Variants in RAP1B observed in about 807,000 individuals in gnomAD.
The protein encoded by RAP1B is ras-related protein Rap-1b.
RAP1B carries 1 observed loss-of-function variant against 27.5 expected under a neutral mutation model. That is an observed-to-expected ratio of 0.04 (90% confidence interval 0.01 to 0.17). The LOEUF (loss-of-function observed/expected upper bound fraction) is 0.17. RAP1B is among the 10% of genes least tolerant of loss of function. The probability of loss-of-function intolerance (pLI) is 1.00; values close to 1 mark genes in which losing one functional copy is unlikely to be tolerated. For synonymous variants in RAP1B, 75 were observed against 73.1 expected, an observed-to-expected ratio of 1.03 and a Z score of -0.13; for missense variants, 84 against 214.8, an observed-to-expected ratio of 0.39 and a Z score of 3.81.
chr12:68,654,189 G>A lies in RAP1B; in HGVS notation c.261G>A (p.Gln87=), dbSNP rs747727519. Residue 87 remains glutamine (Q), a synonymous_variant, in exon 5 of 8, where the codon CAG becomes CAA. Coordinates refer to ENST00000250559, the MANE Select transcript of RAP1B (RefSeq NM_001010942.3). ...GFALVYSITA[Q]STFNDLQDLR... ...CATTAGTTTATTCCATCACAGCACA[G>A]TCCACATTTAACGATTTACAAGACC... is the stretch of plus-strand genomic sequence containing the variant. 1 of 1,601,378 alleles carries A rather than the reference G, an allele frequency of 6.2e-7. No homozygotes were observed. The highest frequency in any genetic ancestry group is 2.2e-5 in the East Asian group (1 of 44,730).
chr12:68,641,849 T>C (rs1873032086), intron 1 of RAP1B, among the ~76,000 whole-genome samples: 1 of 152,172 alleles, frequency 6.6e-6, no homozygotes, highest in Non-Finnish European at 1.5e-5. Context: ...TTTAGTATTT[T>C]GATAGCTTTC....
chr12:68,650,702 C>A, intron 3 of RAP1B: 1 of 263,198 alleles, frequency 3.8e-6, no homozygotes, highest in Non-Finnish European at 7.0e-6. Flanking sequence ...AACTTTAAAG[C>A]AGACCATCCA....
intron 1 of RAP1B, among the ~76,000 whole-genome samples, chr12:68,637,333 C>T (rs1354636427): frequency 6.6e-6 from 1 of 152,160 alleles, no homozygotes; most frequent in African/African-American, 2.4e-5. Context: ...TGCAGTGGCT[C>T]ACGCCTGTAA....
chr12:68,644,541 G>A (rs542048305), intron 1 of RAP1B, among the ~76,000 whole-genome samples: 7 of 151,168 alleles, frequency 4.6e-5, no homozygotes, highest in South Asian at 2.1e-4. Context: ...TCGAGATGGC[G>A]CCACTGCACT....
chr12:68,636,645 C>T (rs890171911), intron 1 of RAP1B, among the ~76,000 whole-genome samples: 2 of 152,058 alleles, frequency 1.3e-5, no homozygotes, highest in Admixed American at 1.3e-4. Context: ...CCAGAATAGT[C>T]TTGAGCAGTC....
intron 1 of RAP1B, among the ~76,000 whole-genome samples, chr12:68,632,035 A>G (rs17105626): frequency 0.18 from 26,809 of 150,600 alleles, 3,068 homozygotes; most frequent in South Asian, 0.45. Context: ...TTTGCATATC[A>G]GTGCTTTACT....
At chr12:68,648,455 TA>T (rs1873577966) in intron 1 of RAP1B, among the ~76,000 whole-genome samples, 1 of 152,158 alleles carries the variant, frequency 6.6e-6, no homozygotes, top group East Asian at 1.9e-4. Context: ...AAACAGGTGA[TA>T]GGTTGGATTT....
intron 1 of RAP1B, among the ~76,000 whole-genome samples, chr12:68,635,019 A>C (rs149161552): frequency 6.6e-6 from 1 of 152,184 alleles, no homozygotes; most frequent in South Asian, 2.1e-4. Context: ...AGATTTAGAA[A>C]TCTTGTTCAC....
chr12:68,635,380 G>A (rs2135939898), intron 1 of RAP1B, among the ~76,000 whole-genome samples: 1 of 152,234 alleles, frequency 6.6e-6, no homozygotes, highest in Admixed American at 6.5e-5. Context: ...AGTTGGAGAT[G>A]GAAAGGAGAA....
At chr12:68,620,141 A>T (rs1320197723) in intron 1 of RAP1B, among the ~76,000 whole-genome samples, 3 of 144,648 alleles carry the variant, frequency 2.1e-5, no homozygotes, top group Non-Finnish European at 4.6e-5. Flanking sequence ...CTGTAGAATG[A>T]TCCTTTTTTT....
At chr12:68,624,154 C>G (rs576132147) in intron 1 of RAP1B, among the ~76,000 whole-genome samples, 1 of 152,268 alleles carries the variant, frequency 6.6e-6, no homozygotes, top group Non-Finnish European at 1.5e-5. Flanking sequence ...TAGAAACCCT[C>G]TTTGCCAAGG....
intron 3 of RAP1B, chr12:68,650,702 C>G: frequency 3.8e-6 from 1 of 263,198 alleles, no homozygotes; most frequent in Non-Finnish European, 7.0e-6. Context: ...AACTTTAAAG[C>G]AGACCATCCA....
chr12:68,648,265 T>C lies in RAP1B; in HGVS notation c.-26-434T>C, dbSNP rs140007764. Among the ~76,000 whole-genome samples the C allele has an allele frequency of 9.1e-3, 1,394 of 152,358 alleles. 67 individuals are homozygous for C. The highest frequency in any genetic ancestry group is 0.084 in the Admixed American group (1,278 of 15,300). ...CGTTCCCCACTTTAGGAATAAATAT[T>C]TGGTCTTCTGCTTCCTCTACCAACA... On this transcript the variant is annotated intron_variant, in intron 1 of 7. Transcript: ENST00000250559.
chr12:68,633,515 A>G (rs1050921146), intron 1 of RAP1B, among the ~76,000 whole-genome samples: 2 of 152,184 alleles, frequency 1.3e-5, no homozygotes, highest in African/African-American at 4.8e-5. Flanking sequence ...GGGCTTTAAT[A>G]TGTAGTTGTC....
At chr12:68,642,844 C>T (rs74101002) in intron 1 of RAP1B, 28,067 of 990,676 alleles carry the variant, frequency 0.028, 1,650 homozygotes, top group African/African-American at 0.2. Context: ...AGTCGATAAC[C>T]GGTGGATTCT....
chr12:68,644,516 G>A (rs1429363582), intron 1 of RAP1B, among the ~76,000 whole-genome samples: 3 of 151,276 alleles, frequency 2.0e-5, no homozygotes, highest in Admixed American at 6.6e-5. Flanking sequence ...CCTGGGAGGC[G>A]GAGGTTGCAG....
chr12:68,616,732 C>A lies in RAP1B; in HGVS notation c.-27+5689C>A, dbSNP rs144227497. On this transcript the variant is annotated intron_variant, in intron 1 of 7. Coordinates refer to ENST00000250559, the MANE Select transcript of RAP1B (RefSeq NM_001010942.3). ...TACAGGCATGAGCCACCGCGCCCGG[C>A]CAGGTTTTGTATTTTTTGTAGAGAC... Among the ~76,000 whole-genome samples the A allele has an allele frequency of 2.3e-3, 346 of 152,182 alleles. 1 individual carries two copies. The highest frequency in any genetic ancestry group is 0.01 in the Middle Eastern group (3 of 294).
chr12:68,627,381 T>A (rs1437920119), intron 1 of RAP1B: 5 of 636,480 alleles, frequency 7.9e-6, no homozygotes, highest in Non-Finnish European at 1.4e-5. Context: ...TGCAGCAGGG[T>A]GTTTTTTAAA....
intron 6 of RAP1B, 117 bp from the exon 7 acceptor site, chr12:68,656,984 G>A (rs1874251360): frequency 1.1e-6 from 1 of 878,272 alleles, no homozygotes. Flanking sequence ...TTCCTTAGCT[G>A]AACAATTCTG....
Sources: allele counts gnomAD v4.1 joint callset (sites outside exome capture counted in the v4.1 genomes callset), GRCh38; gene constraint gnomAD v4.1.1; transcripts MANE v1.5; gene names NCBI Gene and HGNC (gene_info 2026-07-23, HGNC 2026-07-21).